Variants in MYO3B observed in about 807,000 individuals in gnomAD.
MYO3B encodes myosin-IIIb.
A neutral mutation model predicts 174.6 loss-of-function variants in MYO3B; 156 were observed. The ratio of observed to expected loss-of-function variants is 0.89; its 90% CI spans 0.78 to 1.02. MYO3B has a LOEUF of 1.02. Ranked by LOEUF, MYO3B falls within the 50% of genes least tolerant of loss-of-function variation. The pLI is 0.00. For missense variants in MYO3B, 1,632 were observed against 1,639.4 expected, an observed-to-expected ratio of 1.00 and a Z score of 0.08; for synonymous variants, 563 against 569.1, an observed-to-expected ratio of 0.99 and a Z score of 0.15.
At chr2:170,183,330 A>G (rs904902498) in intron 1 of MYO3B, among the ~76,000 whole-genome samples, 7 of 152,192 alleles carry the variant, frequency 4.6e-5, no homozygotes, top group African/African-American at 1.7e-4. Flanking sequence ...TTTTCTATCC[A>G]AGCATAAGGT....
At chr2:170,243,216 GGTGGTTCT>G (rs781483209) in intron 7 of MYO3B, among the ~76,000 whole-genome samples, 5 of 152,186 alleles carry the variant, frequency 3.3e-5, no homozygotes, top group Non-Finnish European at 5.9e-5. Context: ...GGTTTCTCTG[GGTGGTTCT>G]GCAGATCTTG....
chr2:170,533,708 T>A lies in MYO3B; in HGVS notation c.3576-9198T>A, dbSNP rs80197927. The stretch of plus-strand genomic sequence containing the variant: ...TGTTTACGGATTTGTCTTTCAGATG[T>A]GCAAAATCATAAACAATAAGTAACC... On this transcript the variant is annotated intron_variant, in intron 30 of 34. Coordinates refer to ENST00000408978, the MANE Select transcript of MYO3B (RefSeq NM_138995.5). Among the ~76,000 whole-genome samples the A allele has an allele frequency of 8.4e-3, 1,283 of 152,364 alleles. 22 individuals carry two copies. Among genetic ancestry groups the A allele is most frequent in the African/African-American group, 0.029 (1,210 of 41,586 alleles).
intron 7 of MYO3B, among the ~76,000 whole-genome samples, chr2:170,279,826 G>A (rs1416781764): frequency 2.6e-5 from 4 of 151,986 alleles, no homozygotes; most frequent in Admixed American, 6.6e-5. Context: ...ATAGTATTCC[G>A]TGGTGTATAT....
intron 20 of MYO3B, among the ~76,000 whole-genome samples, chr2:170,405,303 TAGAAAC>T (rs2094503098): frequency 6.6e-6 from 1 of 152,216 alleles, no homozygotes; most frequent in African/African-American, 2.4e-5. Context: ...TAGGAGTTCT[TAGAAAC>T]AGCAGGAGAA....
At chr2:170,315,827 A>G (rs1175130257) in intron 7 of MYO3B, among the ~76,000 whole-genome samples, 1 of 152,182 alleles carries the variant, frequency 6.6e-6, no homozygotes, top group Non-Finnish European at 1.5e-5. Flanking sequence ...CTAGAACTGG[A>G]ATATGAACCC....
intron 3 of MYO3B, among the ~76,000 whole-genome samples, chr2:170,201,424 T>C (rs745437362): frequency 1.9e-4 from 29 of 152,128 alleles, no homozygotes. Flanking sequence ...AAACCAGCCC[T>C]CACTTCACTG....
chr2:170,243,804 A>T (rs1032909440), intron 7 of MYO3B, among the ~76,000 whole-genome samples: 2 of 152,190 alleles, frequency 1.3e-5, no homozygotes, highest in African/African-American at 4.8e-5. Context: ...TAATTGATTG[A>T]TTGATGATTG....
intron 22 of MYO3B, among the ~76,000 whole-genome samples, chr2:170,413,094 AT>A (rs1234089549): frequency 6.6e-6 from 1 of 152,236 alleles, no homozygotes; most frequent in Admixed American, 6.5e-5. Flanking sequence ...AAAAATCTAC[AT>A]TCTGAACAGG....
chr2:170,621,508 T>G (rs921275417), intron 32 of MYO3B, among the ~76,000 whole-genome samples: 1 of 140,770 alleles, frequency 7.1e-6, no homozygotes, highest in Non-Finnish European at 1.5e-5. Context: ...TGTTTTTTTG[T>G]TTTTTTGTTT....
intron 21 of MYO3B, among the ~76,000 whole-genome samples, chr2:170,406,126 CT>C (rs141500522): frequency 0.042 from 6,350 of 152,226 alleles, 171 homozygotes; most frequent in Non-Finnish European, 0.061. Flanking sequence ...GAAATGTCCA[CT>C]TTTCATACAT....
At chr2:170,639,117 G>C (rs1424320249) in intron 32 of MYO3B, among the ~76,000 whole-genome samples, 3 of 152,176 alleles carry the variant, frequency 2.0e-5, no homozygotes, top group Non-Finnish European at 4.4e-5. Flanking sequence ...ATATCCGCAA[G>C]CACTTAAAAT....
chr2:170,625,500 A>G (rs1299834526), intron 32 of MYO3B, among the ~76,000 whole-genome samples: 1 of 152,090 alleles, frequency 6.6e-6, no homozygotes, highest in Non-Finnish European at 1.5e-5. Context: ...TTTTCAAAAA[A>G]CCAGCTCCTG....
intron 7 of MYO3B, among the ~76,000 whole-genome samples, chr2:170,301,378 A>G (rs1360414159): frequency 6.6e-6 from 1 of 152,230 alleles, no homozygotes; most frequent in African/African-American, 2.4e-5. Flanking sequence ...CAAATGATTT[A>G]TCTGAAATCA....
chr2:170,214,330 T>C, intron 3 of MYO3B, 49 bp from the exon 4 acceptor site: 2 of 1,466,856 alleles, frequency 1.4e-6, no homozygotes. Context: ...TCTTTTCTTT[T>C]TCACATGTGG....
chr2:170,544,008 T>C lies in MYO3B; in HGVS notation c.3733+20T>C, dbSNP rs748074136. ...AGCCTGGTAAGAAGAACGTTTTGAA[T>C]TGCATGCGGCTTCTACCATTTGCAT... is the stretch of plus-strand genomic sequence containing the variant. On this transcript the variant is annotated intron_variant, in intron 32 of 34. Transcript: ENST00000408978. 13 of 1,555,064 alleles carry C rather than the reference T, an allele frequency of 8.4e-6. No individual in the cohort carries two copies. The highest frequency in any genetic ancestry group is 1.7e-5 in the Admixed American group (1 of 59,688).
chr2:170,416,356 C>G (rs1471766507), intron 22 of MYO3B, among the ~76,000 whole-genome samples: 1 of 151,996 alleles, frequency 6.6e-6, no homozygotes, highest in African/African-American at 2.4e-5. Context: ...AACCCCGTCT[C>G]TACTAAAAAT....
At chr2:170,616,563 C>T (rs1695475497) in intron 32 of MYO3B, among the ~76,000 whole-genome samples, 1 of 152,170 alleles carries the variant, frequency 6.6e-6, no homozygotes. Context: ...TTACATCTCC[C>T]CCTTCTCTCT....
intron 23 of MYO3B, among the ~76,000 whole-genome samples, chr2:170,452,090 A>C (rs1470722238): frequency 6.6e-6 from 1 of 152,160 alleles, no homozygotes; most frequent in Non-Finnish European, 1.5e-5. Context: ...CCAAGCATGC[A>C]AAGAGCCAAG....
chr2:170,520,948 G>A (rs1688635760), intron 30 of MYO3B, among the ~76,000 whole-genome samples: 1 of 152,124 alleles, frequency 6.6e-6, no homozygotes. Flanking sequence ...CTAATAGAAT[G>A]AAACTCACCT....
Sources: gnomAD v4.1 joint callset for allele counts (sites outside exome capture counted in the v4.1 genomes callset) on GRCh38, gnomAD v4.1.1 for gene constraint, MANE v1.5 for transcripts, NCBI Gene and HGNC (gene_info 2026-07-23, HGNC 2026-07-21) for gene names.